Variants in TRIM29 observed in about 807,000 individuals in gnomAD.
TRIM29 encodes tripartite motif containing 29.
Under a neutral mutation model 57.3 loss-of-function variants are expected in TRIM29, and 52 were observed. The observed-to-expected ratio is 0.91, with a 90% CI of 0.73 to 1.14. TRIM29 has a LOEUF of 1.14. Ranked by LOEUF, TRIM29 falls within the 50% of genes most tolerant of loss-of-function variation. The pLI is 0.00. For missense variants in TRIM29, 753 were observed against 774.6 expected (o/e 0.97, Z 0.33); for synonymous variants, 319 against 316.9 (o/e 1.01, Z -0.07).
At position 120,118,309 on chromosome 11, in the gene TRIM29, G is replaced by A. The variant is rs112973609; in HGVS notation, c.1541C>T (p.Ser514Phe). ...NLYGTKGNYT[S>F]RVWEYSSSIQ... ...GCTGGAGGAGTACTCCCAGACCCGG[G>A]AGGTGTAGTTACCTGGCAGGACAAA... The change falls in exon 7 of 9, where the codon TCC (serine) becomes TTC (phenylalanine). Residue 514 changes from serine to phenylalanine, a missense_variant. Transcript: ENST00000341846. 5.6e-6 allele frequency: 9 copies of A among 1,613,174 alleles called. No individual in the cohort carries two copies. In the Admixed American group the frequency reaches 6.7e-5, roughly 12 times the overall value.
intron 6 of TRIM29, chr11:120,118,688 C>A (rs1044166825): frequency 4.7e-6 from 1 of 213,696 alleles, no homozygotes; most frequent in African/African-American, 2.4e-5. Flanking sequence ...TCAAACCAGG[C>A]TAAGCCTCAG....
intron 1 of TRIM29, among the ~76,000 whole-genome samples, chr11:120,131,915 G>T (rs1863730970): frequency 6.7e-6 from 1 of 149,800 alleles, no homozygotes; most frequent in African/African-American, 2.5e-5. Context: ...ACCAGCAAAA[G>T]CCTCCTGTGG....
rs769243275 is a variant in TRIM29 at position 120,112,502 on chromosome 11, C to A, written c.1705-26G>T. 1.7e-5 allele frequency: 28 copies of A among 1,612,774 alleles called. No homozygotes were observed. The Admixed American group carries it at 3.8e-4, about 22-fold the overall frequency. On this transcript the variant is annotated intron_variant, in intron 8 of 8. Transcript: ENST00000341846. The stretch of plus-strand genomic sequence containing the variant: ...CTGTGGGGGAAACAAGAGTGGTCAG[C>A]GAGGCCAGACGACAGATGAGCCTGC...
At position 120,137,535 on chromosome 11, in the gene TRIM29, G is replaced by GA. The variant is rs1486940835; in HGVS notation, c.496dup (p.Ser166PhefsTer56). The GA allele has an allele frequency of 1.9e-6, 3 of 1,607,394 alleles. No homozygotes were observed. Among genetic ancestry groups the GA allele is most frequent in the African/African-American group, 1.3e-5 (1 of 74,874 alleles). ...GTCGCACAGCACCTCCTCGGAGCCGGACTTGGACCGTGAAAAAAGGCCCGT... is the reference window on the plus strand; with the variant it reads ...GTCGCACAGCACCTCCTCGGAGCCGGAACTTGGACCGTGAAAAAAGGCCCGT... On this transcript the variant is annotated frameshift_variant, in exon 1 of 9. Coordinates refer to ENST00000341846, the MANE Select transcript of TRIM29 (RefSeq NM_012101.4). LOFTEE classifies it high-confidence loss of function. This position sits in a 1 kb window ranked among gnomAD's most constrained non-coding sequence, Gnocchi z 6.2.
intron 1 of TRIM29, among the ~76,000 whole-genome samples, chr11:120,135,260 C>T (rs1452755730): frequency 6.6e-6 from 1 of 152,108 alleles, no homozygotes; most frequent in Non-Finnish European, 1.5e-5. Flanking sequence ...GAGGTGGGAA[C>T]CTGAATGCTC....
intron 8 of TRIM29, chr11:120,113,770 C>T: frequency 2.3e-6 from 1 of 442,092 alleles, no homozygotes; most frequent in South Asian, 1.6e-5. Context: ...GGACCCCAAG[C>T]AATTCATAGG....
At chr11:120,121,646 C>T (rs900977707) in intron 5 of TRIM29, 2 of 192,672 alleles carry the variant, frequency 1.0e-5, no homozygotes, top group African/African-American at 4.5e-5. Flanking sequence ...TCTTCAGATA[C>T]AGGTACTGAG....
intron 8 of TRIM29, among the ~76,000 whole-genome samples, chr11:120,114,784 G>A (rs1431924806): frequency 6.6e-6 from 1 of 152,132 alleles, no homozygotes; most frequent in African/African-American, 2.4e-5. Flanking sequence ...AGGTGGCCTG[G>A]ACCCCAAAGC....
rs569321196 is a variant in TRIM29 at position 120,119,373 on chromosome 11, G to A, written c.1529-1052C>T. Among the ~76,000 whole-genome samples the A allele has an allele frequency of 1.6e-4, 25 of 152,082 alleles. No individual in the cohort carries two copies. In the South Asian group the frequency reaches 5.0e-3, roughly 30 times the overall value. ...CTGGGGGCTGACTTTTGGGCTCAGG[G>A]GTCACAGATGGCTGGGGTTGGCCAC... On this transcript the variant is annotated intron_variant, in intron 6 of 8. Transcript: ENST00000341846.
intron 7 of TRIM29, chr11:120,117,207 A>G: frequency 9.4e-6 from 2 of 212,474 alleles, no homozygotes; most frequent in South Asian, 1.2e-4. Flanking sequence ...TTGAGCAGAG[A>G]GCAGAAAGGC....
chr11:120,119,885 C>T (rs1402719651), intron 6 of TRIM29, among the ~76,000 whole-genome samples: 1 of 152,108 alleles, frequency 6.6e-6, no homozygotes, highest in African/African-American at 2.4e-5. Flanking sequence ...GAATGCATGG[C>T]CCTGCCCTTG....
Position 120,134,356 on chromosome 11 carries a change from G to C in TRIM29, c.804+2872C>G, listed in dbSNP as rs141822250. The stretch of plus-strand genomic sequence containing the variant: ...AGGCAGGTCTGAGGCTGTATCACCT[G>C]GGCCTTCACCACTGGCCTGCGGAAC... On this transcript the variant is annotated intron_variant, in intron 1 of 8. Coordinates refer to ENST00000341846, the MANE Select transcript of TRIM29 (RefSeq NM_012101.4). Among the ~76,000 whole-genome samples the C allele has an allele frequency of 2.0e-3, 301 of 152,296 alleles. 1 individual carries two copies. Among genetic ancestry groups the C allele is most frequent in the African/African-American group, 6.7e-3 (278 of 41,568 alleles).
chr11:120,137,735 C>CATAGA lies in TRIM29; in HGVS notation c.292_296dup (p.Met99IlefsTer162). ...CTGCGTACGGCGACCTCTTGCCTTC[C>CATAGA]ATAGAGTCCATGCTGAAGTAGTTGG... On this transcript the variant is annotated frameshift_variant, in exon 1 of 9. Coordinates refer to ENST00000341846, the MANE Select transcript of TRIM29 (RefSeq NM_012101.4). LOFTEE classifies it high-confidence loss of function. This position sits in a 1 kb window ranked among gnomAD's most constrained non-coding sequence, Gnocchi z 6.2. The CATAGA allele has an allele frequency of 6.2e-7, 1 of 1,612,548 alleles. No individual in the cohort carries two copies. Among genetic ancestry groups the CATAGA allele is most frequent in the Non-Finnish European group, 8.5e-7 (1 of 1,180,012 alleles).
Position 120,125,917 on chromosome 11 carries a change from T to G in TRIM29, c.1135-28A>C, listed in dbSNP as rs1330052472. On this transcript the variant is annotated intron_variant, in intron 3 of 8. Transcript: ENST00000341846. ...ACCAAGAAAGGAAAGAACCATTAACTGCCTGGGTCTTCATGAGCTATGAGG... is the reference window on the plus strand; with the variant it reads ...ACCAAGAAAGGAAAGAACCATTAACGGCCTGGGTCTTCATGAGCTATGAGG... 3.1e-6 allele frequency: 5 copies of G among 1,604,410 alleles called. No homozygotes were observed. In the Admixed American group the frequency reaches 5.0e-5, roughly 16 times the overall value.
chr11:120,114,681 C>T (rs949761836), intron 8 of TRIM29, among the ~76,000 whole-genome samples: 2 of 152,146 alleles, frequency 1.3e-5, no homozygotes, highest in East Asian at 1.9e-4. Flanking sequence ...TCAGATCTAA[C>T]GGGCACTGGG....
In TRIM29 at chr11:120,113,058, T is replaced by G. The variant is rs1863174861; in HGVS notation, c.1705-582A>C. ...CCCAGCTGCCAGTTCTCGGCATCAC[T>G]TCTCTTATGGTGAGGGCTTCCAGGA... is the stretch of plus-strand genomic sequence containing the variant. On this transcript the variant is annotated intron_variant, in intron 8 of 8. Transcript: ENST00000341846. Among the ~76,000 whole-genome samples the G allele has an allele frequency of 2.0e-5, 3 of 152,116 alleles. No individual in the cohort carries two copies. The South Asian group carries it at 6.2e-4, about 32-fold the overall frequency.
chr11:120,117,064 GGA>G (rs780449386), intron 7 of TRIM29: 98 of 432,576 alleles, frequency 2.3e-4, no homozygotes, highest in East Asian at 6.8e-4. Context: ...GTGCCTGCTG[GGA>G]GAGAGAGAGG....
At chr11:120,129,047 C>T (rs470941) in intron 1 of TRIM29, 413,122 of 581,168 alleles carry the variant, frequency 0.71, 150,405 homozygotes, top group Non-Finnish European at 0.75. Flanking sequence ...AAAGGGAAGG[C>T]ATTCTGCAGT....
intron 5 of TRIM29, chr11:120,122,040 G>C (rs1565315385): frequency 2.3e-6 from 1 of 436,702 alleles, no homozygotes. Context: ...AGAAGCCCAG[G>C]GGTTGTTTTC....
Sources: allele counts gnomAD v4.1 joint callset (sites outside exome capture counted in the v4.1 genomes callset), GRCh38; gene constraint gnomAD v4.1.1; non-coding constraint Gnocchi (gnomAD v3.1); transcripts MANE v1.5; gene names NCBI Gene and HGNC (gene_info 2026-07-23, HGNC 2026-07-21).